The following CTNNA2 variants were observed in gnomAD, a reference collection of about 807,000 sequenced individuals.
The protein encoded by CTNNA2 is catenin alpha-2.
In CTNNA2, 42 loss-of-function variants were observed where a neutral mutation model predicts 101.0. The observed-to-expected ratio is 0.42, with a 90% confidence interval of 0.32 to 0.54. CTNNA2 has a LOEUF of 0.54. Ranked by LOEUF, CTNNA2 falls within the 20% of genes least tolerant of loss-of-function variation. The pLI is 0.14. For synonymous variants in CTNNA2, 450 were observed against 456.4 expected (o/e 0.99, Z 0.18); for missense variants, 871 against 1,223.1 (o/e 0.71, Z 4.29).
chr2:79,311,408 C>CAA (rs753633073), intron 2 of CTNNA2, among the ~76,000 whole-genome samples: 5,061 of 66,208 alleles, frequency 0.076, 287 homozygotes, highest in East Asian at 0.13. Context: ...GACTCCGTCT[C>CAA]AAAAAAAAAA....
At chr2:79,844,526 G>A (rs898246326) in intron 3 of CTNNA2, among the ~76,000 whole-genome samples, 1 of 152,138 alleles carries the variant, frequency 6.6e-6, no homozygotes, top group Admixed American at 6.5e-5. Flanking sequence ...AGACAAAAGG[G>A]TAAAATTCAC....
intron 3 of CTNNA2, among the ~76,000 whole-genome samples, chr2:79,761,217 A>G (rs780024176): frequency 3.5e-4 from 54 of 152,156 alleles, no homozygotes; most frequent in Non-Finnish European, 2.9e-4. Context: ...GGCCACGTCT[A>G]TGTTTTAGGT....
intron 7 of CTNNA2, among the ~76,000 whole-genome samples, chr2:80,100,118 G>T (rs750357865): frequency 6.6e-6 from 1 of 151,970 alleles, no homozygotes; most frequent in Non-Finnish European, 1.5e-5. Context: ...ATTTTTAGTA[G>T]AGATGGGGTT....
chr2:80,001,613 A>G (rs910618648), intron 7 of CTNNA2, among the ~76,000 whole-genome samples: 13 of 152,180 alleles, frequency 8.5e-5, no homozygotes, highest in Admixed American at 5.2e-4. Flanking sequence ...AGGAATGTGT[A>G]TGTTTAACCA....
At chr2:80,580,058 G>T (rs191227656) in intron 13 of CTNNA2, among the ~76,000 whole-genome samples, 2 of 152,272 alleles carry the variant, frequency 1.3e-5, no homozygotes, top group African/African-American at 4.8e-5. Context: ...CCTTACTACC[G>T]TTCGAATTTA....
intron 7 of CTNNA2, among the ~76,000 whole-genome samples, chr2:80,364,367 C>T (rs1190153303): frequency 1.3e-5 from 2 of 152,012 alleles, no homozygotes; most frequent in African/African-American, 4.8e-5. Context: ...ACAAGATGTT[C>T]TTTTCTCTTT....
chr2:80,044,427 T>C (rs1696381334), intron 7 of CTNNA2, among the ~76,000 whole-genome samples: 1 of 152,142 alleles, frequency 6.6e-6, no homozygotes, highest in African/African-American at 2.4e-5. Flanking sequence ...CTGACTCATA[T>C]ATTACCATGG....
intron 4 of CTNNA2, among the ~76,000 whole-genome samples, chr2:79,466,295 T>A (rs113163730): frequency 6.6e-6 from 1 of 152,166 alleles, no homozygotes; most frequent in Non-Finnish European, 1.5e-5. Flanking sequence ...CACAGCAGTC[T>A]GAGATCGAAC....
At chr2:80,232,360 T>G (rs1400921130) in intron 7 of CTNNA2, among the ~76,000 whole-genome samples, 22 of 21,196 alleles carry the variant, frequency 1.0e-3, no homozygotes, top group African/African-American at 3.1e-3. Context: ...TTTTTTTTTT[T>G]TTTTTTTTTT....
At chr2:79,345,869 T>G (rs890160089) in intron 3 of CTNNA2, among the ~76,000 whole-genome samples, 6 of 151,170 alleles carry the variant, frequency 4.0e-5, no homozygotes, top group Non-Finnish European at 8.8e-5. Flanking sequence ...ATTTTTTTTT[T>G]TTTTTTTTTA....
chr2:79,541,427 C>CATATATATATATAT (rs9284785), intron 1 of CTNNA2, among the ~76,000 whole-genome samples: 3 of 142,794 alleles, frequency 2.1e-5, no homozygotes, highest in East Asian at 2.1e-4. Flanking sequence ...CGCACACACA[C>CATATATATATATAT]ATATATATAT....
At chr2:80,499,007 C>T (rs576399270) in intron 9 of CTNNA2, among the ~76,000 whole-genome samples, 1 of 152,160 alleles carries the variant, frequency 6.6e-6, no homozygotes, top group East Asian at 1.9e-4. Context: ...CAGTAAGTAA[C>T]GTGATTTCTC....
In CTNNA2 at chr2:80,043,040, C is replaced by CT. The variant is rs1558754587; in HGVS notation, c.1056+133245dup. ...TTCCCTTTCTTTCTTTCTTTCTTTC[C>CT]TTCTTTCTTTCTTTCTTTCTTTCTT... On this transcript the variant is annotated intron_variant, in intron 7 of 18. Transcript: ENST00000402739. Among the ~76,000 whole-genome samples, 48 of 52,812 alleles carry CT rather than the reference C, an allele frequency of 9.1e-4. 7 individuals carry two copies. Among genetic ancestry groups the CT allele is most frequent in the African/African-American group, 8.9e-4 (14 of 15,716 alleles). 34.6% of individuals were successfully genotyped at this position (52,812 alleles called of 152,430 possible). A position where few individuals can be genotyped will look rare whatever the true frequency, so the allele number is the denominator to read the frequency against.
In CTNNA2 at chr2:80,321,376, CG is replaced by C. The variant is rs576308510; in HGVS notation, c.1057-71834del. Reference sequence around the variant, plus strand: ...TGACTGGTGGTGAGGATGTTCTGGACGAAGTCTAACTGGTAGGAACAGAAAC... The same window carrying C: ...TGACTGGTGGTGAGGATGTTCTGGACAAGTCTAACTGGTAGGAACAGAAAC... On this transcript the variant is annotated intron_variant, in intron 7 of 18. Coordinates refer to ENST00000402739, the MANE Select transcript of CTNNA2 (RefSeq NM_001282597.3). Among the ~76,000 whole-genome samples the C allele has an allele frequency of 3.6e-4, 55 of 152,034 alleles. 1 individual carries two copies. Among genetic ancestry groups the C allele is most frequent in the Non-Finnish European group, 6.8e-4 (46 of 68,012 alleles).
chr2:79,841,508 T>TTAAGAAGGTGGGAAATTAAAATTGAA (rs1471337022), intron 3 of CTNNA2, among the ~76,000 whole-genome samples: 82 of 152,342 alleles, frequency 5.4e-4, no homozygotes, highest in African/African-American at 1.8e-3. Flanking sequence ...TTAAAATGAT[T>TTAAGAAGGTGGGAAATTAAAATTGAA]AATGAAAATC....
In CTNNA2 at chr2:80,647,719, T is replaced by C; in HGVS notation, c.2709T>C (p.Val903=). Residue 903 remains valine (V), a synonymous_variant, in exon 19 of 19, where the codon GTT becomes GTC. Transcript: ENST00000402739. ...VYGTAAVNSP[V]VSWKMKAPEK... ...GGACAGCAGCTGTCAACTCACCTGT[T>C]GTGTCTTGGAAGATGAAGGCTCCAG... is the stretch of plus-strand genomic sequence containing the variant. 2.5e-6 allele frequency: 4 copies of C among 1,613,556 alleles called. No individual in the cohort carries two copies. Among genetic ancestry groups the C allele is most frequent in the Non-Finnish European group, 3.4e-6 (4 of 1,179,582 alleles).
intron 7 of CTNNA2, among the ~76,000 whole-genome samples, chr2:80,366,108 G>C (rs67091131): frequency 0.064 from 9,791 of 152,158 alleles, 787 homozygotes; most frequent in African/African-American, 0.19. Context: ...CCAAATACCA[G>C]TTTACCAGGA....
At chr2:79,382,249 C>CAG (rs1241894121) in intron 4 of CTNNA2, among the ~76,000 whole-genome samples, 1 of 152,002 alleles carries the variant, frequency 6.6e-6, no homozygotes, top group Non-Finnish European at 1.5e-5. Context: ...TTCTGGGTCT[C>CAG]AGGGTTTGAG....
At position 79,789,338 on chromosome 2, in the gene CTNNA2, T is replaced by A. The variant is rs115133050; in HGVS notation, c.298+44756T>A. Among the ~76,000 whole-genome samples the A allele has an allele frequency of 3.6e-3, 552 of 152,122 alleles. 4 individuals carry two copies. Among genetic ancestry groups the A allele is most frequent in the African/African-American group, 0.012 (511 of 41,502 alleles). On this transcript the variant is annotated intron_variant, in intron 3 of 18. Transcript: ENST00000402739. ...GCACAATGTGTCAGGGAGTGATGAG[T>A]GGGCCAGATTTTAAAGTGCCAGAGG...
Sources: gnomAD v4.1 joint callset for allele counts (sites outside exome capture counted in the v4.1 genomes callset) on GRCh38, gnomAD v4.1.1 for gene constraint, MANE v1.5 for transcripts, NCBI Gene and HGNC (gene_info 2026-07-23, HGNC 2026-07-21) for gene names.